FGF13: variants seen among roughly 807,000 people sequenced by gnomAD.
FGF13 encodes the protein fibroblast growth factor 13.
FGF13 carries 2 observed loss-of-function variants against 19.5 expected under a neutral mutation model. That is an observed-to-expected ratio of 0.10 (90% CI 0.04 to 0.32). The LOEUF is 0.32. Ranked by LOEUF, FGF13 falls within the 10% of genes least tolerant of loss-of-function variation. The probability of loss-of-function intolerance (pLI) is 1.00; values close to 1 mark genes in which losing one functional copy is unlikely to be tolerated. For missense variants in FGF13, 113 were observed against 192.7 expected, an observed-to-expected ratio of 0.59 and a Z score of 2.45; for synonymous variants, 72 against 76.9, an observed-to-expected ratio of 0.94 and a Z score of 0.33.
intron 1 of FGF13, among the ~76,000 whole-genome samples, chrX:138,978,928 CA>C (rs375456576): frequency 9.9e-5 from 11 of 110,840 alleles, no homozygotes; most frequent in Admixed American, 7.6e-4. Flanking sequence ...TAAACTATTC[CA>C]AAAAAAATGA....
chrX:138,918,083 T>C (rs1433036460), intron 1 of FGF13, among the ~76,000 whole-genome samples: 2 of 110,024 alleles, frequency 1.8e-5, no homozygotes, highest in Non-Finnish European at 3.8e-5. Flanking sequence ...AGACGAATCA[T>C]ACCAACAGAT....
At chrX:139,003,450 G>A (rs2092084065) in intron 1 of FGF13, among the ~76,000 whole-genome samples, 2 of 111,927 alleles carry the variant, frequency 1.8e-5, no homozygotes. Flanking sequence ...GGACCCGAAC[G>A]TGTTGCCAAT....
rs1221998348 is a variant in FGF13, at chrX:138,614,971, T to A, written c.*17879A>T. 1 of 112,258 alleles carries A rather than the reference T, an allele frequency of 8.9e-6. No homozygotes were observed. The highest frequency in any genetic ancestry group is 3.2e-5 in the African/African-American group (1 of 30,879). 9.3% of individuals were successfully genotyped at this position (112,258 alleles called of 1,213,427 possible). A position where few individuals can be genotyped will look rare whatever the true frequency, so the allele number is the denominator to read the frequency against. ...TGTATGATGACATTTATATAACAAT[T>A]CTGAAATAATAAAATTATAAGGATG... is the stretch of plus-strand genomic sequence containing the variant. On this transcript the variant is annotated 3_prime_UTR_variant, in exon 5 of 5. Transcript: ENST00000315930.
At chrX:139,052,026 T>C (rs2092304408) in intron 1 of FGF13, among the ~76,000 whole-genome samples, 1 of 112,378 alleles carries the variant, frequency 8.9e-6, no homozygotes, top group Non-Finnish European at 1.9e-5. Context: ...TTATGTTATA[T>C]ATTGGTTTTT....
intron 3 of FGF13, among the ~76,000 whole-genome samples, chrX:138,694,449 T>TTA (rs1211270280): frequency 3.8e-5 from 4 of 105,383 alleles, no homozygotes; most frequent in African/African-American, 1.4e-4. Context: ...TTCTTTTCTT[T>TTA]TCTTTTTTTT....
chrX:138,646,672 C>A (rs2089310415), intron 3 of FGF13, among the ~76,000 whole-genome samples: 1 of 111,866 alleles, frequency 8.9e-6, no homozygotes, highest in Admixed American at 9.5e-5. Context: ...TTTTTTATTT[C>A]CAGTGAACTC....
At chrX:138,856,963 A>G (rs2091261073), downstream of FGF13, among the ~76,000 whole-genome samples, 1 of 111,802 alleles carries the variant, frequency 8.9e-6, no homozygotes, top group Admixed American at 9.5e-5. Flanking sequence ...AACTACTCAT[A>G]GTTTCCTTGA....
Position 138,711,091 on chromosome X carries a change from C to A in FGF13, c.-88G>T. ...TTCTCCTCCGCTGCTTGTCCGCTGT[C>A]TCGCGACTTCGCCGCTTTGGTCTCC... is the stretch of plus-strand genomic sequence containing the variant. On this transcript the variant is annotated 5_prime_UTR_variant, in exon 1 of 5. Coordinates refer to ENST00000315930, the MANE Select transcript of FGF13 (RefSeq NM_004114.5). 8.6e-7 allele frequency: 1 copy of A among 1,163,316 alleles called. No individual in the cohort carries two copies. The highest frequency in any genetic ancestry group is 2.0e-5 in the South Asian group (1 of 50,828).
At chrX:138,800,860 C>G (rs1416552050) in intron 3 of FGF13, among the ~76,000 whole-genome samples, 1 of 111,850 alleles carries the variant, frequency 8.9e-6, no homozygotes, top group Non-Finnish European at 1.9e-5. Context: ...ATCCTTTCTT[C>G]CACTTGATCA....
intron 3 of FGF13, among the ~76,000 whole-genome samples, chrX:138,801,925 C>G (rs977210677): frequency 3.6e-5 from 4 of 111,480 alleles, no homozygotes; most frequent in Non-Finnish European, 5.7e-5. Flanking sequence ...GTGGATGCCC[C>G]TCCCCCTACC....
intron 3 of FGF13, among the ~76,000 whole-genome samples, chrX:138,692,239 G>A (rs1466170624): frequency 9.0e-6 from 1 of 111,394 alleles, no homozygotes; most frequent in Non-Finnish European, 1.9e-5. Context: ...CAATAAATAT[G>A]TGTTAAAAAC....
chrX:138,649,188 T>C (rs749569262), intron 3 of FGF13, among the ~76,000 whole-genome samples: 2 of 111,913 alleles, frequency 1.8e-5, no homozygotes, highest in South Asian at 7.4e-4. Flanking sequence ...GCATCATTTA[T>C]TCATGAATCA....
chrX:138,720,233 T>C (rs1036762317), intron 1 of FGF13, among the ~76,000 whole-genome samples: 4 of 112,360 alleles, frequency 3.6e-5, no homozygotes, highest in African/African-American at 1.3e-4. Flanking sequence ...GGAAACAATA[T>C]TGAAAGAAAT....
At chrX:139,119,973 C>A (rs758787761) in intron 1 of FGF13, among the ~76,000 whole-genome samples, 1 of 112,034 alleles carries the variant, frequency 8.9e-6, no homozygotes, top group African/African-American at 3.2e-5. Flanking sequence ...GAGGAAGAGA[C>A]CTGGTGGGAG....
intron 3 of FGF13, among the ~76,000 whole-genome samples, chrX:138,805,112 T>A (rs1225198169): frequency 8.9e-6 from 1 of 112,095 alleles, no homozygotes; most frequent in Non-Finnish European, 1.9e-5. Context: ...TGACCTGGGT[T>A]TATCCATGTT....
chrX:139,003,919 G>A (rs754643491), intron 1 of FGF13, among the ~76,000 whole-genome samples: 24 of 112,767 alleles, frequency 2.1e-4, no homozygotes, highest in African/African-American at 7.7e-4. Flanking sequence ...TAGACATAAA[G>A]ACTCTCCACG....
intron 1 of FGF13, among the ~76,000 whole-genome samples, chrX:139,150,240 T>C (rs1325061524): frequency 1.8e-5 from 2 of 111,367 alleles, no homozygotes; most frequent in African/African-American, 6.5e-5. Context: ...TCTCAGACCA[T>C]TTGTTGCAGG....
chrX:139,082,201 TCC>T (rs1341435363), intron 1 of FGF13, among the ~76,000 whole-genome samples: 2 of 111,449 alleles, frequency 1.8e-5, no homozygotes, highest in Non-Finnish European at 3.8e-5. Flanking sequence ...ATTTAGCCTT[TCC>T]TCTGTCTAGA....
At chrX:139,103,864 T>C (rs2083536115) in intron 1 of FGF13, among the ~76,000 whole-genome samples, 1 of 111,561 alleles carries the variant, frequency 9.0e-6, no homozygotes, top group Admixed American at 9.5e-5. Context: ...AATGTCTGCT[T>C]TAGAAAGGCA....
Sources: gnomAD v4.1 joint callset for allele counts (sites outside exome capture counted in the v4.1 genomes callset) on GRCh38, gnomAD v4.1.1 for gene constraint, MANE v1.5 for transcripts, NCBI Gene and HGNC (gene_info 2026-07-23, HGNC 2026-07-21) for gene names.